The following GPLD1 variants were observed in gnomAD, a reference collection of about 807,000 sequenced individuals.
The protein encoded by GPLD1 is phosphatidylinositol-glycan-specific phospholipase D.
A neutral mutation model predicts 112.6 loss-of-function variants in GPLD1; 84 were observed. The ratio of observed to expected loss-of-function variants is 0.75; its 90% CI spans 0.63 to 0.89. The LOEUF is 0.89. Ranked by LOEUF, GPLD1 falls within the 40% of genes least tolerant of loss-of-function variation. The pLI, the probability that GPLD1 is intolerant of heterozygous loss-of-function variation, is 0.00. For synonymous variants in GPLD1, 386 were observed against 403.8 expected (o/e 0.96, Z 0.53); for missense variants, 1,044 against 1,051.5 (o/e 0.99, Z 0.10).
chr6:24,475,078 T>C (rs747200651), intron 5 of GPLD1, 43 bp downstream of exon 5: 23 of 966,330 alleles, frequency 2.4e-5, no homozygotes, highest in Admixed American at 8.5e-5. Context: ...GGTGAGACAG[T>C]ATCACTCCCA....
intron 6 of GPLD1, 115 bp downstream of exon 6, chr6:24,473,504 G>T (rs1476822960): frequency 4.6e-6 from 3 of 651,152 alleles, no homozygotes; most frequent in Non-Finnish European, 8.4e-6. Flanking sequence ...ACATTAAATA[G>T]AAAATACATG....
rs1288754864 is a variant in GPLD1, at chr6:24,489,333, G to A, written c.97+82C>T. The stretch of plus-strand genomic sequence containing the variant: ...CCCAGGGGAAACTGTATCAATCCAC[G>A]AGCGGGATTTTCAGTCTCTTCCTTA... On this transcript the variant is annotated intron_variant, in intron 1 of 24. Coordinates refer to ENST00000230036, the MANE Select transcript of GPLD1 (RefSeq NM_001503.4). 203 of 1,040,488 alleles carry A rather than the reference G, an allele frequency of 2.0e-4. No homozygotes were observed. The South Asian group carries it at 2.6e-3, about 14-fold the overall frequency. The allele number at this position is 1,040,488 out of a possible 1,614,324, so 64.5% of individuals were successfully genotyped here. A position where few individuals can be genotyped will look rare whatever the true frequency, so the allele number is the denominator to read the frequency against.
At chr6:24,484,631 C>A (rs1764312955) in intron 2 of GPLD1, among the ~76,000 whole-genome samples, 1 of 152,190 alleles carries the variant, frequency 6.6e-6, no homozygotes, top group South Asian at 2.1e-4. Flanking sequence ...TTGTAGAATA[C>A]CTCTACTAGA....
intron 22 of GPLD1, chr6:24,433,698 T>A (rs1042252530): frequency 3.6e-6 from 1 of 281,092 alleles, no homozygotes; most frequent in Non-Finnish European, 6.8e-6. Flanking sequence ...TTTCACCACG[T>A]TGGCCAGGCC....
intron 20 of GPLD1, among the ~76,000 whole-genome samples, chr6:24,444,090 T>A (rs1298757731): frequency 6.6e-6 from 1 of 152,204 alleles, no homozygotes; most frequent in Non-Finnish European, 1.5e-5. Context: ...TTAGAACCTC[T>A]ACTCCAGTAA....
Position 24,433,186 on chromosome 6 carries a change from C to A in GPLD1, c.2436+1G>T. The A allele has an allele frequency of 6.2e-7, 1 of 1,608,126 alleles. No homozygotes were observed. The highest frequency in any genetic ancestry group is 8.5e-7 in the Non-Finnish European group (1 of 1,174,528). Reference sequence around the variant, plus strand: ...CAATGAAGTTCAGTCCTTGGGCTCACCTTTGCCTTGGACCTCACGGTGATG... The same window carrying A: ...CAATGAAGTTCAGTCCTTGGGCTCAACTTTGCCTTGGACCTCACGGTGATG... On this transcript the variant is annotated splice_donor_variant, in intron 24 of 24. Transcript: ENST00000230036. LOFTEE classifies it high-confidence loss of function.
chr6:24,436,802 G>T (rs978868615), intron 21 of GPLD1, 66 bp from the exon 22 acceptor site: 1 of 1,515,152 alleles, frequency 6.6e-7, no homozygotes, highest in Non-Finnish European at 9.1e-7. Flanking sequence ...TCCTTGTTCC[G>T]CTACTGGATC....
rs112271060 is a variant in GPLD1 at position 24,462,361 on chromosome 6, C to G, written c.887+369G>C. Among the ~76,000 whole-genome samples, 571 of 152,166 alleles carry G rather than the reference C, an allele frequency of 3.8e-3. 4 individuals are homozygous for G. The highest frequency in any genetic ancestry group is 6.5e-3 in the Non-Finnish European group (439 of 68,002). On this transcript the variant is annotated intron_variant, in intron 11 of 24. Coordinates refer to ENST00000230036, the MANE Select transcript of GPLD1 (RefSeq NM_001503.4). The stretch of plus-strand genomic sequence containing the variant: ...TGTTGCTGAGGCTGGTCCTGAACTC[C>G]TGGACTTAAGGGATCCTCCTGCCTC...
At chr6:24,446,275 G>C (rs1456409219) in intron 18 of GPLD1, among the ~76,000 whole-genome samples, 2 of 151,980 alleles carry the variant, frequency 1.3e-5, no homozygotes, top group Admixed American at 1.3e-4. Flanking sequence ...GAGGCAGGAG[G>C]ATCACTTGAG....
intron 14 of GPLD1, among the ~76,000 whole-genome samples, chr6:24,453,174 G>C (rs1172528721): frequency 6.6e-6 from 1 of 152,206 alleles, no homozygotes; most frequent in Non-Finnish European, 1.5e-5. Flanking sequence ...TAGGACAAAA[G>C]AAGGAAATCT....
In GPLD1 at chr6:24,475,641, G is replaced by A. The variant is rs555936096; in HGVS notation, c.331-410C>T. ...AGGTGGATCACGAGGTCAGGAAATC[G>A]AGACCATCCTGGCTAACATGGTGAA... On this transcript the variant is annotated intron_variant, in intron 4 of 24. Coordinates refer to ENST00000230036, the MANE Select transcript of GPLD1 (RefSeq NM_001503.4). Among the ~76,000 whole-genome samples, 9 of 146,170 alleles carry A rather than the reference G, an allele frequency of 6.2e-5. No individual in the cohort carries two copies. In the South Asian group the frequency reaches 1.5e-3, roughly 24 times the overall value.
intron 12 of GPLD1, among the ~76,000 whole-genome samples, chr6:24,457,620 C>T (rs1451230954): frequency 2.0e-5 from 3 of 152,082 alleles, no homozygotes; most frequent in Non-Finnish European, 2.9e-5. Flanking sequence ...TGGTGGCTCA[C>T]GCCTATAATC....
At chr6:24,488,448 A>T (rs1036259356) in intron 1 of GPLD1, among the ~76,000 whole-genome samples, 15 of 152,064 alleles carry the variant, frequency 9.9e-5, no homozygotes, top group Non-Finnish European at 2.1e-4. Context: ...CATCAGGTAT[A>T]TCTGAAATTA....
intron 2 of GPLD1, among the ~76,000 whole-genome samples, chr6:24,480,806 A>C (rs926869310): frequency 3.9e-5 from 6 of 152,188 alleles, no homozygotes; most frequent in Non-Finnish European, 5.9e-5. Flanking sequence ...TAGAAAACAC[A>C]GACTACATTT....
chr6:24,433,583 C>CCCAGGTTCAAGCAAGTCT (rs553432878), intron 22 of GPLD1, 194 bp from the exon 23 acceptor site: 89 of 495,856 alleles, frequency 1.8e-4, no homozygotes, highest in South Asian at 1.4e-3. Context: ...ACCTCTGCCT[C>CCCAGGTTCAAGCAAGTCT]CCAGGTTCAA....
rs149870664 is a variant in GPLD1 at position 24,473,656 on chromosome 6, G to C, written c.453C>G (p.His151Gln). The change falls in exon 6 of 25, where the codon CAC becomes CAG. Residue 151 changes from histidine to glutamine, a missense_variant. His to Gln is a conservative substitution (Grantham distance 24). Coordinates refer to ENST00000230036, the MANE Select transcript of GPLD1 (RefSeq NM_001503.4). ...CCGAATGAGCCTCTGAATAGGAGCC[G>C]TGAAAATCAATCTAAGAAAGAAAGA... ...FLRTMGAIDF[H>Q]GSYSEAHSAG... 8 of 1,605,400 alleles carry C rather than the reference G, an allele frequency of 5.0e-6. No individual in the cohort carries two copies. Among genetic ancestry groups the C allele is most frequent in the Non-Finnish European group, 6.8e-6 (8 of 1,172,810 alleles).
At chr6:24,441,925 C>A (rs1762758169) in intron 20 of GPLD1, among the ~76,000 whole-genome samples, 1 of 150,150 alleles carries the variant, frequency 6.7e-6, no homozygotes, top group African/African-American at 2.4e-5. Flanking sequence ...TAACAATAAC[C>A]TGATGGTGAC....
intron 18 of GPLD1, among the ~76,000 whole-genome samples, chr6:24,446,510 A>G (rs1762915048): frequency 6.6e-6 from 1 of 152,108 alleles, no homozygotes; most frequent in Admixed American, 6.6e-5. Context: ...AAGAAAAAAC[A>G]GAAGTGAGGA....
At chr6:24,456,777 C>G (rs1763282397) in intron 12 of GPLD1, 140 bp from the exon 13 acceptor site, 1 of 550,000 alleles carries the variant, frequency 1.8e-6, no homozygotes, top group Admixed American at 3.3e-5. Context: ...ACATTAGGTC[C>G]TATCAGCAAG....
Sources: gnomAD v4.1 joint callset for allele counts (sites outside exome capture counted in the v4.1 genomes callset) on GRCh38, gnomAD v4.1.1 for gene constraint, MANE v1.5 for transcripts, NCBI Gene and HGNC (gene_info 2026-07-23, HGNC 2026-07-21) for gene names.